Variants in IL1RAPL1 observed in about 807,000 individuals in gnomAD.
The protein encoded by IL1RAPL1 is interleukin 1 receptor accessory protein like 1.
Under a neutral mutation model 48.4 loss-of-function variants are expected in IL1RAPL1, and 3 were observed. The ratio of observed to expected loss-of-function variants is 0.06; its 90% CI spans 0.03 to 0.16. IL1RAPL1 has a LOEUF of 0.16. Ranked by LOEUF, IL1RAPL1 falls within the 10% of genes least tolerant of loss-of-function variation. IL1RAPL1 has a pLI of 1.00. For missense variants in IL1RAPL1, 349 were observed against 530.6 expected (o/e 0.66, Z 3.36); for synonymous variants, 185 against 187.7 (o/e 0.99, Z 0.12).
intron 1 of IL1RAPL1, among the ~76,000 whole-genome samples, chrX:28,730,128 C>G (rs1388615449): frequency 1.8e-5 from 2 of 111,516 alleles, no homozygotes; most frequent in Admixed American, 1.9e-4. Flanking sequence ...TTTCAGAAAG[C>G]TTATCCATTT....
chrX:29,020,115 T>C lies in IL1RAPL1; in HGVS notation c.82+230690T>C, dbSNP rs770300719. The stretch of plus-strand genomic sequence containing the variant: ...AACTGCAGGAAAGATTCTTGGCAGA[T>C]AATAGTTTCAAAATTAGTATTTATT... On this transcript the variant is annotated intron_variant, in intron 2 of 10. Coordinates refer to ENST00000378993, the MANE Select transcript of IL1RAPL1 (RefSeq NM_014271.4). 2.7e-5 allele frequency among the ~76,000 whole-genome samples: 3 copies of C among 112,726 alleles called. No homozygotes were observed. The South Asian group carries it at 1.1e-3, about 41-fold the overall frequency.
intron 3 of IL1RAPL1, among the ~76,000 whole-genome samples, chrX:29,341,262 C>T (rs1417271736): frequency 9.0e-6 from 1 of 111,665 alleles, no homozygotes; most frequent in Non-Finnish European, 1.9e-5. Flanking sequence ...CCTTTGTAGC[C>T]CTGACGGAAG....
At chrX:29,047,175 A>G (rs769599675) in intron 2 of IL1RAPL1, among the ~76,000 whole-genome samples, 29 of 112,593 alleles carry the variant, frequency 2.6e-4, no homozygotes, top group Non-Finnish European at 4.9e-4. Context: ...ATCCATCAAA[A>G]GGGACATTCT....
intron 1 of IL1RAPL1, among the ~76,000 whole-genome samples, chrX:28,714,505 A>G (rs1225189581): frequency 8.9e-6 from 1 of 112,047 alleles, no homozygotes; most frequent in Non-Finnish European, 1.9e-5. Context: ...ATAATGATAT[A>G]TCATAATTTC....
intron 5 of IL1RAPL1, among the ~76,000 whole-genome samples, chrX:29,635,647 TATTA>T (rs976070492): frequency 2.7e-5 from 3 of 111,061 alleles, no homozygotes; most frequent in African/African-American, 6.5e-5. Context: ...TAAAAAAATA[TATTA>T]ATTAAAGAGA....
chrX:29,816,538 A>C (rs1344169447), intron 6 of IL1RAPL1, among the ~76,000 whole-genome samples: 3 of 110,728 alleles, frequency 2.7e-5, no homozygotes, highest in African/African-American at 9.8e-5. Context: ...TTCCAAAAAA[A>C]AAAATTGAGG....
intron 6 of IL1RAPL1, among the ~76,000 whole-genome samples, chrX:29,896,778 C>G (rs931077003): frequency 2.7e-5 from 3 of 111,872 alleles, no homozygotes; most frequent in African/African-American, 9.9e-5. Context: ...GGGAAGAGAG[C>G]AATCCCAGGT....
intron 6 of IL1RAPL1, among the ~76,000 whole-genome samples, chrX:29,833,151 A>G (rs948451716): frequency 1.8e-5 from 2 of 111,592 alleles, no homozygotes; most frequent in African/African-American, 3.3e-5. Flanking sequence ...TAAAATTCCA[A>G]CTTCACAAAT....
At chrX:28,634,424 T>C (rs1208635798) in intron 1 of IL1RAPL1, among the ~76,000 whole-genome samples, 1 of 109,296 alleles carries the variant, frequency 9.1e-6, no homozygotes, top group African/African-American at 3.3e-5. Context: ...CATATATACG[T>C]ATGTATATAT....
At chrX:29,571,166 G>A (rs746148479) in intron 5 of IL1RAPL1, among the ~76,000 whole-genome samples, 9 of 111,106 alleles carry the variant, frequency 8.1e-5, no homozygotes, top group Non-Finnish European at 1.3e-4. Context: ...AGCTTGCAGT[G>A]AGCCGAGATC....
chrX:28,740,558 G>A (rs1935894748), intron 1 of IL1RAPL1, among the ~76,000 whole-genome samples: 1 of 110,578 alleles, frequency 9.0e-6, no homozygotes, highest in South Asian at 3.8e-4. Context: ...TTTGTTGTGT[G>A]GGTAAATTGT....
chrX:29,931,802 T>C (rs1303364929), intron 8 of IL1RAPL1, among the ~76,000 whole-genome samples: 2 of 111,791 alleles, frequency 1.8e-5, no homozygotes, highest in African/African-American at 6.5e-5. Flanking sequence ...TTGAGGAAAA[T>C]TGCTTTCAGG....
Position 28,782,772 on chromosome X carries a change from A to C in IL1RAPL1, c.-24-6548A>C, listed in dbSNP as rs145773331. Among the ~76,000 whole-genome samples, 284 of 111,505 alleles carry C rather than the reference A, an allele frequency of 2.5e-3. 2 individuals carry two copies. The highest frequency in any genetic ancestry group is 3.6e-3 in the Non-Finnish European group (193 of 52,986). On this transcript the variant is annotated intron_variant, in intron 1 of 10. Transcript: ENST00000378993. Reference sequence around the variant, plus strand: ...TTTAAACGGTTTTGGGTTTACTCGTAATTTTCTTCTGTTTAATGAATTTTA... The same window carrying C: ...TTTAAACGGTTTTGGGTTTACTCGTCATTTTCTTCTGTTTAATGAATTTTA...
chrX:29,149,319 A>G (rs1929414262), intron 2 of IL1RAPL1, among the ~76,000 whole-genome samples: 1 of 111,320 alleles, frequency 9.0e-6, no homozygotes, highest in Non-Finnish European at 1.9e-5. Flanking sequence ...CGTATCTTGA[A>G]GCACGAGAAC....
rs757204724 is a variant in IL1RAPL1 at position 29,112,288 on chromosome X, A to G, written c.83-170650A>G. Among the ~76,000 whole-genome samples the G allele has an allele frequency of 1.1e-4, 12 of 111,933 alleles. No homozygotes were observed. In the Admixed American group the frequency reaches 1.1e-3, roughly 11 times the overall value. ...GAAGTTCTTAATTTTAAATATTATC[A>G]AATTTATTGTTAATATTTGCCTTAA... is the stretch of plus-strand genomic sequence containing the variant. On this transcript the variant is annotated intron_variant, in intron 2 of 10. Transcript: ENST00000378993.
intron 2 of IL1RAPL1, among the ~76,000 whole-genome samples, chrX:28,901,317 G>A (rs763987200): frequency 7.1e-5 from 8 of 111,900 alleles, no homozygotes; most frequent in African/African-American, 2.6e-4. Context: ...TTGTTTCACT[G>A]TTACTGTTTT....
chrX:29,754,888 A>G (rs774848161), intron 6 of IL1RAPL1, among the ~76,000 whole-genome samples: 6 of 112,912 alleles, frequency 5.3e-5, no homozygotes, highest in African/African-American at 1.9e-4. Context: ...TCTGTAGGTT[A>G]GAAACCTGGG....
chrX:28,743,101 TCAATTTGTCGTTCTCTTCTCAGCC>T (rs771652731), intron 1 of IL1RAPL1, among the ~76,000 whole-genome samples: 148 of 111,467 alleles, frequency 1.3e-3, no homozygotes, highest in Non-Finnish European at 2.4e-3. Flanking sequence ...AAAATATCAC[TCAATTTGTCGTTCTCTTCTCAGCC>T]CAAGGAATTA....
chrX:28,900,817 G>A (rs1441333180), intron 2 of IL1RAPL1, among the ~76,000 whole-genome samples: 1 of 111,540 alleles, frequency 9.0e-6, no homozygotes, highest in Non-Finnish European at 1.9e-5. Flanking sequence ...TCTATTGAAT[G>A]TCTCTGTTCT....
Sources: allele counts gnomAD v4.1 joint callset (sites outside exome capture counted in the v4.1 genomes callset), GRCh38; gene constraint gnomAD v4.1.1; transcripts MANE v1.5; gene names NCBI Gene and HGNC (gene_info 2026-07-23, HGNC 2026-07-21).